The following CLSTN2 variants were observed in gnomAD, a reference collection of about 807,000 sequenced individuals.
CLSTN2 encodes the protein calsyntenin 2, also known as calsyntenin-2.
In CLSTN2, 48 loss-of-function variants were observed where a neutral mutation model predicts 101.2. The ratio of observed to expected loss-of-function variants is 0.47; its 90% CI spans 0.38 to 0.60. The LOEUF is 0.60. Among genes scored for constraint, CLSTN2 ranks in the 20% least tolerant of loss-of-function variants. The pLI is 0.00. For missense variants in CLSTN2, 1,160 were observed against 1,238.2 expected (o/e 0.94, Z 0.95); for synonymous variants, 481 against 463.6 (o/e 1.04, Z -0.48).
chr3:140,525,330 C>A (rs1935114969), intron 8 of CLSTN2, among the ~76,000 whole-genome samples: 1 of 152,148 alleles, frequency 6.6e-6, no homozygotes, highest in Non-Finnish European at 1.5e-5. Flanking sequence ...TGCATATAAA[C>A]TAGGAAATCT....
At chr3:140,416,355 A>G (rs1278375326) in intron 4 of CLSTN2, among the ~76,000 whole-genome samples, 1 of 151,500 alleles carries the variant, frequency 6.6e-6, no homozygotes, top group Non-Finnish European at 1.5e-5. Context: ...GTAGATCTCA[A>G]CTGAGCTCAC....
intron 6 of CLSTN2, among the ~76,000 whole-genome samples, chr3:140,457,336 T>C: frequency 6.6e-6 from 1 of 152,264 alleles, no homozygotes; most frequent in Admixed American, 6.5e-5. Context: ...TGTCACCATC[T>C]GTCTTCACAC....
At chr3:140,327,868 G>A (rs2087346632) in intron 2 of CLSTN2, among the ~76,000 whole-genome samples, 1 of 152,144 alleles carries the variant, frequency 6.6e-6, no homozygotes, top group African/African-American at 2.4e-5. Flanking sequence ...TATACTTAGC[G>A]ATAGGTACAT....
chr3:140,083,788 A>G (rs1467137440), intron 1 of CLSTN2, among the ~76,000 whole-genome samples: 13 of 152,232 alleles, frequency 8.5e-5, no homozygotes, highest in Admixed American at 8.5e-4. Context: ...AGTGCAGCCC[A>G]TGGGACATCT....
At chr3:140,254,860 A>T (rs1306673779) in intron 2 of CLSTN2, among the ~76,000 whole-genome samples, 1 of 152,232 alleles carries the variant, frequency 6.6e-6, no homozygotes, top group Non-Finnish European at 1.5e-5. Flanking sequence ...GCACAGCACA[A>T]GTAAACAGAC....
chr3:139,974,331 C>G (rs538933057), intron 1 of CLSTN2, among the ~76,000 whole-genome samples: 1 of 152,132 alleles, frequency 6.6e-6, no homozygotes. Flanking sequence ...TGGACTCAAC[C>G]AAGACATGTT....
chr3:140,074,188 AT>A (rs1426074638), intron 1 of CLSTN2, among the ~76,000 whole-genome samples: 2 of 151,998 alleles, frequency 1.3e-5, no homozygotes, highest in East Asian at 3.9e-4. Context: ...TAAAATGTTT[AT>A]TTTTTAAAAA....
intron 2 of CLSTN2, among the ~76,000 whole-genome samples, chr3:140,187,994 A>G (rs1383342902): frequency 1.3e-5 from 2 of 152,060 alleles, no homozygotes; most frequent in Non-Finnish European, 2.9e-5. Flanking sequence ...TTCCATCCTC[A>G]TGGCCACAGG....
chr3:140,571,259 T>C lies in CLSTN2; in HGVS notation c.*5006T>C, dbSNP rs151330034. On this transcript the variant is annotated 3_prime_UTR_variant, in exon 17 of 17. Transcript: ENST00000458420. ...AAAGACTTGTGACTGTTTGAATCAA[T>C]AGCAACATCATCAGTAGAAAGCCCG... is the stretch of plus-strand genomic sequence containing the variant. 248 of 152,304 alleles carry C rather than the reference T, an allele frequency of 1.6e-3. No homozygotes were observed. The highest frequency in any genetic ancestry group is 5.5e-3 in the African/African-American group (227 of 41,562). The allele number at this position is 152,304 out of a possible 1,614,324, so 9.4% of individuals were successfully genotyped here.
chr3:140,240,168 CTCTCTCTATA>C lies in CLSTN2; in HGVS notation c.232+64097_232+64106del, dbSNP rs747420622. Among the ~76,000 whole-genome samples, 95 of 17,258 alleles carry C rather than the reference CTCTCTCTATA, an allele frequency of 5.5e-3. 1 individual carries two copies. The highest frequency in any genetic ancestry group is 7.4e-3 in the African/African-American group (91 of 12,216). 11.3% of individuals were successfully genotyped at this position (17,258 alleles called of 152,430 possible). ...TCTCTCTCTGTCTCTCTCTCTCTCT[CTCTCTCTATA>C]TATATATATATATATATATATACAC... is the stretch of plus-strand genomic sequence containing the variant. On this transcript the variant is annotated intron_variant, in intron 2 of 16. Coordinates refer to ENST00000458420, the MANE Select transcript of CLSTN2 (RefSeq NM_022131.3).
At chr3:140,163,584 G>A (rs183724964) in intron 1 of CLSTN2, among the ~76,000 whole-genome samples, 1 of 151,944 alleles carries the variant, frequency 6.6e-6, no homozygotes, top group East Asian at 1.9e-4. Context: ...ACCCTACCAA[G>A]CACTTGGTCC....
intron 1 of CLSTN2, among the ~76,000 whole-genome samples, chr3:140,156,697 T>A (rs1442400778): frequency 6.6e-6 from 1 of 152,186 alleles, no homozygotes; most frequent in Admixed American, 6.5e-5. Context: ...TGACTTTGAC[T>A]TGAGGACACT....
intron 11 of CLSTN2, among the ~76,000 whole-genome samples, chr3:140,557,636 C>T (rs552705442): frequency 1.3e-4 from 20 of 152,198 alleles, no homozygotes; most frequent in African/African-American, 4.3e-4. Context: ...CACATTTCAC[C>T]CACCCATAGA....
At chr3:140,243,578 G>A (rs569869220) in intron 2 of CLSTN2, among the ~76,000 whole-genome samples, 4 of 152,318 alleles carry the variant, frequency 2.6e-5, no homozygotes, top group Admixed American at 2.0e-4. Context: ...TCCATACATA[G>A]TGAAAGTGCC....
intron 8 of CLSTN2, among the ~76,000 whole-genome samples, chr3:140,489,228 G>T (rs990272666): frequency 1.3e-4 from 20 of 152,090 alleles, no homozygotes; most frequent in Admixed American, 5.9e-4. Flanking sequence ...CAGGGAAGGG[G>T]CTTCTGCACA....
chr3:140,364,250 G>A (rs181295421), intron 2 of CLSTN2, among the ~76,000 whole-genome samples: 67 of 152,108 alleles, frequency 4.4e-4, no homozygotes, highest in Admixed American at 7.9e-4. Context: ...CCTTCTGGAG[G>A]GGACCCTGGA....
intron 1 of CLSTN2, among the ~76,000 whole-genome samples, chr3:140,154,510 G>A (rs1246142784): frequency 6.6e-6 from 1 of 152,024 alleles, no homozygotes; most frequent in African/African-American, 2.4e-5. Context: ...GGTAATTTAC[G>A]AAGAAAAGAG....
At position 140,562,819 on chromosome 3, in the gene CLSTN2, T is replaced by C; in HGVS notation, c.2221T>C (p.Ser741Pro). The change falls in exon 14 of 17, where the codon TCC becomes CCC. Residue 741 changes from serine (S) to proline (P), a missense_variant. Physicochemically the swap from Ser to Pro is moderately conservative, Grantham distance 74 (BLOSUM62 -1). Coordinates refer to ENST00000458420, the MANE Select transcript of CLSTN2 (RefSeq NM_022131.3). ...GTGGTCTCTTGGCACAGGTGTGGGC[T>C]CCATGAGCCGCTATGAGCAGGTGCT... ...TAGYSIYGVGSMSRYEQVLHH... is the reference protein window; with the variant it reads ...TAGYSIYGVGPMSRYEQVLHH... 1 of 1,613,892 alleles carries C rather than the reference T, an allele frequency of 6.2e-7. No homozygotes were observed. Among genetic ancestry groups the C allele is most frequent in the Non-Finnish European group, 8.5e-7 (1 of 1,179,986 alleles).
intron 1 of CLSTN2, among the ~76,000 whole-genome samples, chr3:140,042,549 G>A (rs2107764305): frequency 6.6e-6 from 1 of 152,140 alleles, no homozygotes; most frequent in African/African-American, 2.4e-5. Context: ...TATACTTTAA[G>A]TTCTAGGGTA....
Sources: gnomAD v4.1 joint callset for allele counts (sites outside exome capture counted in the v4.1 genomes callset) on GRCh38, gnomAD v4.1.1 for gene constraint, MANE v1.5 for transcripts, NCBI Gene and HGNC (gene_info 2026-07-23, HGNC 2026-07-21) for gene names.